The following BANP variants were observed in gnomAD, a reference collection of about 807,000 sequenced individuals.
BANP encodes BTG3 associated nuclear protein.
Under a neutral mutation model 68.1 loss-of-function variants are expected in BANP, and 11 were observed. That is an observed-to-expected ratio of 0.16 (90% CI 0.10 to 0.27). BANP has a LOEUF of 0.27. BANP is among the 10% of genes least tolerant of loss of function. The pLI, the probability that BANP is intolerant of heterozygous loss-of-function variation, is 1.00. For synonymous variants in BANP, 329 were observed against 303.2 expected, an observed-to-expected ratio of 1.09 and a Z score of -0.88; for missense variants, 504 against 722.7, an observed-to-expected ratio of 0.70 and a Z score of 3.47.
chr16:87,955,647 T>C (rs1217206569), intron 1 of BANP, among the ~76,000 whole-genome samples: 1 of 151,958 alleles, frequency 6.6e-6, no homozygotes, highest in Non-Finnish European at 1.5e-5. Context: ...TCTGTGATAT[T>C]TACATAGTCA....
At chr16:88,024,245 C>G (rs2076548192) in intron 7 of BANP, among the ~76,000 whole-genome samples, 1 of 152,192 alleles carries the variant, frequency 6.6e-6, no homozygotes, top group Admixed American at 6.5e-5. Flanking sequence ...TGCTTCTTCA[C>G]CTGGTGGGCC....
At chr16:88,039,117 T>C (rs574779890) in intron 11 of BANP, among the ~76,000 whole-genome samples, 1 of 152,304 alleles carries the variant, frequency 6.6e-6, no homozygotes, top group East Asian at 1.9e-4. Flanking sequence ...GGAGAAGGGC[T>C]GCAGACCCTC....
At chr16:88,035,860 G>T (rs945261461) in intron 10 of BANP, among the ~76,000 whole-genome samples, 7 of 152,252 alleles carry the variant, frequency 4.6e-5, no homozygotes, top group African/African-American at 1.4e-4. Context: ...CCCACAAGGT[G>T]ATGCTGCCAG....
At chr16:88,024,570 C>T (rs1444028109) in intron 7 of BANP, among the ~76,000 whole-genome samples, 2 of 152,258 alleles carry the variant, frequency 1.3e-5, no homozygotes, top group Admixed American at 6.5e-5. Flanking sequence ...GCTGCCCAGA[C>T]GTGGGCGCTT....
At chr16:87,973,857 AT>A (rs1182393623) in intron 1 of BANP, among the ~76,000 whole-genome samples, 1 of 152,114 alleles carries the variant, frequency 6.6e-6, no homozygotes, top group Non-Finnish European at 1.5e-5. Flanking sequence ...TGCATTATTT[AT>A]TGGATTGAAG....
intron 4 of BANP, among the ~76,000 whole-genome samples, chr16:87,988,476 A>G (rs967332640): frequency 3.3e-5 from 5 of 151,606 alleles, no homozygotes; most frequent in African/African-American, 1.2e-4. Flanking sequence ...CATGTTTGTC[A>G]GTCTGATCTC....
chr16:88,071,547 C>T lies in BANP; in HGVS notation c.1378-522C>T, dbSNP rs1404319135. ...GAACTGGGCCTCACTTTCCTGCGAGCTTCTGCTGGGTTCTCAGTGCCCACC... is the reference window on the plus strand; with the variant it reads ...GAACTGGGCCTCACTTTCCTGCGAGTTTCTGCTGGGTTCTCAGTGCCCACC... On this transcript the variant is annotated intron_variant, in intron 12 of 13. Coordinates refer to ENST00000682872, the MANE Select transcript of BANP (RefSeq NM_001386991.1). This position sits in a 1 kb window ranked among gnomAD's most constrained non-coding sequence, Gnocchi z 6.5. 4.4e-6 allele frequency: 2 copies of T among 456,686 alleles called. No individual in the cohort carries two copies. The highest frequency in any genetic ancestry group is 4.4e-6 in the Non-Finnish European group (1 of 227,088). 28.3% of individuals were successfully genotyped at this position (456,686 alleles called of 1,614,324 possible). A position where few individuals can be genotyped will look rare whatever the true frequency, so the allele number is the denominator to read the frequency against.
chr16:88,055,872 A>G (rs57392730), intron 11 of BANP, among the ~76,000 whole-genome samples: 17,691 of 152,212 alleles, frequency 0.12, 1,407 homozygotes, highest in South Asian at 0.35. Flanking sequence ...GGTTTAGGGA[A>G]TTAATCTCTT....
intron 1 of BANP, among the ~76,000 whole-genome samples, chr16:87,955,124 G>C (rs1420543963): frequency 2.0e-5 from 3 of 152,214 alleles, no homozygotes; most frequent in African/African-American, 7.2e-5. Context: ...GCCCTGCTGG[G>C]GTCCAGGAGG....
upstream of BANP, chr16:87,950,732 G>C (rs1418609834): frequency 6.6e-6 from 1 of 152,236 alleles, no homozygotes; most frequent in African/African-American, 2.4e-5. Context: ...CACCGTGCCC[G>C]GCCGCCATCA....
Position 88,064,297 on chromosome 16 carries a change from C to G in BANP, c.1312-970C>G, listed in dbSNP as rs1160940772. ...CCTCCGTGGCAGCGCTCCCAGCACCCTGTGCGTCCCTTGCACCCTTGCCCT... is the reference window on the plus strand; with the variant it reads ...CCTCCGTGGCAGCGCTCCCAGCACCGTGTGCGTCCCTTGCACCCTTGCCCT... On this transcript the variant is annotated intron_variant, in intron 11 of 13. Transcript: ENST00000682872. The surrounding 1 kb of genome is among the most constrained non-coding windows in gnomAD (Gnocchi z 4.5). Among the ~76,000 whole-genome samples, 1 of 152,218 alleles carries G rather than the reference C, an allele frequency of 6.6e-6. No homozygotes were observed. Among genetic ancestry groups the G allele is most frequent in the Non-Finnish European group, 1.5e-5 (1 of 68,030 alleles).
chr16:88,012,130 T>C (rs2073313462), intron 6 of BANP, among the ~76,000 whole-genome samples: 1 of 152,236 alleles, frequency 6.6e-6, no homozygotes, highest in Non-Finnish European at 1.5e-5. Flanking sequence ...CTACCTTGAA[T>C]AGGAGAGATG....
chr16:87,958,933 CAT>C (rs1247487318), intron 1 of BANP, among the ~76,000 whole-genome samples: 9 of 152,216 alleles, frequency 5.9e-5, no homozygotes, highest in Non-Finnish European at 1.3e-4. Context: ...CCTTTGCAGA[CAT>C]AGAGAATTCT....
At chr16:87,961,482 A>G (rs1431253306) in intron 1 of BANP, among the ~76,000 whole-genome samples, 2 of 144,810 alleles carry the variant, frequency 1.4e-5, no homozygotes, top group Non-Finnish European at 3.0e-5. Flanking sequence ...CCTTTTTGTC[A>G]TATGCATCGA....
rs537913601 is a variant in BANP at position 88,075,663 on chromosome 16, T to G, written c.1522-927T>G. On this transcript the variant is annotated intron_variant, in intron 13 of 13. Transcript: ENST00000682872. ...GGGAGTGTGCACGGCAGCCCTAGAGTGGGCTCCTCCACCTGGGGCGTGTTC... is the reference window on the plus strand; with the variant it reads ...GGGAGTGTGCACGGCAGCCCTAGAGGGGGCTCCTCCACCTGGGGCGTGTTC... 4.6e-5 allele frequency among the ~76,000 whole-genome samples: 7 copies of G among 151,308 alleles called. No homozygotes were observed. In the South Asian group the frequency reaches 1.5e-3, roughly 32 times the overall value.
At chr16:87,964,193 A>G (rs767420016) in intron 1 of BANP, among the ~76,000 whole-genome samples, 1 of 152,248 alleles carries the variant, frequency 6.6e-6, no homozygotes, top group Non-Finnish European at 1.5e-5. Flanking sequence ...TCTGACATTC[A>G]TCATTGTGCA....
chr16:88,044,875 G>T lies in BANP; in HGVS notation c.1311+6864G>T, dbSNP rs148183732. On this transcript the variant is annotated intron_variant, in intron 11 of 13. Transcript: ENST00000682872. ...CAGGCGCCTGTAGTCTCAGCTACTC[G>T]GGAGGCTGAGGCAGGAGAATGGCTT... Among the ~76,000 whole-genome samples, 1,260 of 152,190 alleles carry T rather than the reference G, an allele frequency of 8.3e-3. 20 individuals carry two copies. The highest frequency in any genetic ancestry group is 0.028 in the African/African-American group (1,160 of 41,514).
At chr16:87,954,879 C>T (rs1283061819) in intron 1 of BANP, among the ~76,000 whole-genome samples, 1 of 152,266 alleles carries the variant, frequency 6.6e-6, no homozygotes, top group Non-Finnish European at 1.5e-5. Context: ...CAAGCCTGTT[C>T]TATTCACTCC....
intron 10 of BANP, among the ~76,000 whole-genome samples, chr16:88,037,008 A>G (rs1218383957): frequency 6.6e-6 from 1 of 152,202 alleles, no homozygotes; most frequent in Non-Finnish European, 1.5e-5. Context: ...TTGCTTCTCA[A>G]GGCACAGACA....
Sources: gnomAD v4.1 joint callset for allele counts (sites outside exome capture counted in the v4.1 genomes callset) on GRCh38, gnomAD v4.1.1 for gene constraint, Gnocchi (gnomAD v3.1) non-coding constraint, MANE v1.5 for transcripts, NCBI Gene and HGNC (gene_info 2026-07-23, HGNC 2026-07-21) for gene names.